The following CWC27 variants were observed in gnomAD, a reference collection of about 807,000 sequenced individuals.
CWC27 encodes spliceosome-associated protein CWC27 homolog.
A neutral mutation model predicts 63.6 loss-of-function variants in CWC27; 47 were observed. That is an observed-to-expected ratio of 0.74 (90% confidence interval 0.58 to 0.94). The LOEUF is 0.94. CWC27 is among the 40% of genes least tolerant of loss of function. The pLI is 0.00. For missense variants in CWC27, 495 were observed against 554.3 expected (o/e 0.89, Z 1.07); for synonymous variants, 175 against 179.8 (o/e 0.97, Z 0.22).
chr5:64,982,320 A>G (rs1376126881), intron 13 of CWC27, among the ~76,000 whole-genome samples: 1 of 151,952 alleles, frequency 6.6e-6, no homozygotes, highest in African/African-American at 2.4e-5. Context: ...TGAAATGACA[A>G]CAAATGAATT....
intron 10 of CWC27, among the ~76,000 whole-genome samples, chr5:64,862,943 A>T (rs955033064): frequency 9.9e-5 from 15 of 152,128 alleles, no homozygotes; most frequent in African/African-American, 3.6e-4. Context: ...GGGATTTTTT[A>T]TAAGAGCATT....
chr5:64,915,394 G>T (rs1248506783), intron 11 of CWC27, among the ~76,000 whole-genome samples: 1 of 152,122 alleles, frequency 6.6e-6, no homozygotes, highest in Non-Finnish European at 1.5e-5. Context: ...TAACAAATGG[G>T]ACATGCAACA....
intron 13 of CWC27, among the ~76,000 whole-genome samples, chr5:65,009,803 G>C (rs980183901): frequency 6.6e-6 from 1 of 152,210 alleles, no homozygotes; most frequent in African/African-American, 2.4e-5. Flanking sequence ...AATTGCTATT[G>C]TTTAAGCCAC....
chr5:64,968,473 G>A (rs190241013), intron 11 of CWC27, among the ~76,000 whole-genome samples: 9 of 152,018 alleles, frequency 5.9e-5, no homozygotes, highest in South Asian at 2.1e-4. Context: ...AGCCAAAAAC[G>A]GTAAGCAACT....
intron 7 of CWC27, among the ~76,000 whole-genome samples, chr5:64,798,058 A>C (rs1363509736): frequency 6.6e-6 from 1 of 152,188 alleles, no homozygotes; most frequent in Non-Finnish European, 1.5e-5. Flanking sequence ...GTAGATGAAA[A>C]TAATCTGACG....
intron 7 of CWC27, among the ~76,000 whole-genome samples, chr5:64,797,770 A>G (rs1307918807): frequency 6.6e-6 from 1 of 152,200 alleles, no homozygotes; most frequent in Non-Finnish European, 1.5e-5. Flanking sequence ...AATACAATAC[A>G]AGAACCCATT....
chr5:64,790,103 T>C (rs1335220685), intron 7 of CWC27, among the ~76,000 whole-genome samples: 2 of 152,040 alleles, frequency 1.3e-5, no homozygotes, highest in African/African-American at 4.8e-5. Context: ...GGTCATAACT[T>C]TTTGTTGCTT....
intron 13 of CWC27, among the ~76,000 whole-genome samples, chr5:64,989,990 A>G (rs557023084): frequency 1.3e-5 from 2 of 152,132 alleles, no homozygotes; most frequent in South Asian, 4.1e-4. Context: ...CAATACTGGT[A>G]GTTCATGGAG....
At chr5:64,891,942 G>A (rs928747533) in intron 11 of CWC27, among the ~76,000 whole-genome samples, 8 of 151,968 alleles carry the variant, frequency 5.3e-5, no homozygotes, top group African/African-American at 1.4e-4. Flanking sequence ...TTACAGGCAC[G>A]CACCGCCACA....
intron 11 of CWC27, among the ~76,000 whole-genome samples, chr5:64,970,493 T>G (rs960608896): frequency 6.6e-6 from 1 of 151,982 alleles, no homozygotes; most frequent in Non-Finnish European, 1.5e-5. Flanking sequence ...ATTACAGGCG[T>G]GAGCCACCAC....
chr5:64,809,692 C>A (rs571699511), intron 10 of CWC27, among the ~76,000 whole-genome samples: 1 of 152,272 alleles, frequency 6.6e-6, no homozygotes, highest in Admixed American at 6.5e-5. Context: ...CTAGTCTAAG[C>A]AAACTTTGAG....
intron 11 of CWC27, among the ~76,000 whole-genome samples, chr5:64,926,072 AC>A (rs1204813689): frequency 1.3e-5 from 2 of 152,164 alleles, no homozygotes; most frequent in Non-Finnish European, 1.5e-5. Flanking sequence ...CCAGCATCAG[AC>A]ATACATTTTA....
intron 13 of CWC27, among the ~76,000 whole-genome samples, chr5:64,982,512 A>G (rs1749347118): frequency 6.6e-6 from 1 of 151,162 alleles, no homozygotes; most frequent in Non-Finnish European, 1.5e-5. Flanking sequence ...TTAAGATAGC[A>G]TCTCACTATG....
At chr5:64,771,016 T>C (rs1469835061) in intron 1 of CWC27, among the ~76,000 whole-genome samples, 1 of 152,190 alleles carries the variant, frequency 6.6e-6, no homozygotes, top group Non-Finnish European at 1.5e-5. Context: ...ATGAGTTAGT[T>C]GAGTGAAGTA....
chr5:64,801,461 GA>G, intron 9 of CWC27, 129 bp downstream of exon 9: 1 of 747,498 alleles, frequency 1.3e-6, no homozygotes, highest in Middle Eastern at 4.3e-4. Flanking sequence ...TCAAATTTTG[GA>G]AAAATATGAA....
At chr5:64,998,078 C>A (rs552752051) in intron 13 of CWC27, among the ~76,000 whole-genome samples, 1 of 152,240 alleles carries the variant, frequency 6.6e-6, no homozygotes, top group Non-Finnish European at 1.5e-5. Context: ...CCTGAAGTCA[C>A]CTCTTTTTCT....
chr5:65,010,775 A>G (rs1580781015), intron 13 of CWC27, among the ~76,000 whole-genome samples: 1 of 152,226 alleles, frequency 6.6e-6, no homozygotes, highest in Non-Finnish European at 1.5e-5. Flanking sequence ...TTCATATCAT[A>G]AAGTTAGTAG....
chr5:64,991,331 TCAATACA>T (rs1157127488), intron 13 of CWC27, among the ~76,000 whole-genome samples: 63 of 152,204 alleles, frequency 4.1e-4, no homozygotes, highest in East Asian at 7.7e-4. Context: ...CAATGTCCCT[TCAATACA>T]TGTTAGATAT....
At chr5:64,825,791 C>A (rs1745341110) in intron 10 of CWC27, among the ~76,000 whole-genome samples, 1 of 152,148 alleles carries the variant, frequency 6.6e-6, no homozygotes, top group Non-Finnish European at 1.5e-5. Context: ...AAAAACTAAT[C>A]TAGGTGTTGG....
Sources: allele counts gnomAD v4.1 joint callset (sites outside exome capture counted in the v4.1 genomes callset), GRCh38; gene constraint gnomAD v4.1.1; transcripts MANE v1.5; gene names NCBI Gene and HGNC (gene_info 2026-07-23, HGNC 2026-07-21).